The following DOCK3 variants were observed in gnomAD, a reference collection of about 807,000 sequenced individuals.
The protein encoded by DOCK3 is dedicator of cytokinesis 3.
DOCK3 carries 60 observed loss-of-function variants against 265.6 expected under a neutral mutation model. That is an observed-to-expected ratio of 0.23 (90% CI 0.18 to 0.28). The LOEUF is 0.28. DOCK3 is among the 10% of genes least tolerant of loss of function. DOCK3 has a pLI of 1.00. For missense variants in DOCK3, 1,981 were observed against 2,594.3 expected (o/e 0.76, Z 5.14); for synonymous variants, 881 against 938.0 (o/e 0.94, Z 1.11).
chr3:51,069,163 A>G (rs1196586212), intron 6 of DOCK3, among the ~76,000 whole-genome samples: 2 of 152,158 alleles, frequency 1.3e-5, no homozygotes, highest in East Asian at 1.9e-4. Flanking sequence ...TAGAAACCGC[A>G]CTTTCTACAT....
intron 1 of DOCK3, among the ~76,000 whole-genome samples, chr3:50,768,902 A>G (rs1469746737): frequency 6.6e-6 from 1 of 152,118 alleles, no homozygotes; most frequent in Non-Finnish European, 1.5e-5. Context: ...TTCTCTTCAC[A>G]TTCTCAGGAA....
chr3:50,827,734 A>G (rs1405437360), intron 2 of DOCK3, among the ~76,000 whole-genome samples: 1 of 152,148 alleles, frequency 6.6e-6, no homozygotes, highest in Non-Finnish European at 1.5e-5. Flanking sequence ...AATCTGGATT[A>G]TTTAGTCCAT....
chr3:50,980,699 G>A (rs2077658500), intron 5 of DOCK3, among the ~76,000 whole-genome samples: 1 of 152,034 alleles, frequency 6.6e-6, no homozygotes, highest in Admixed American at 6.5e-5. Context: ...GGTTGTATAT[G>A]TCTAGGAATT....
intron 1 of DOCK3, among the ~76,000 whole-genome samples, chr3:50,723,243 G>T (rs1040832847): frequency 2.0e-5 from 3 of 152,170 alleles, no homozygotes; most frequent in Non-Finnish European, 4.4e-5. Context: ...ATACCAAACC[G>T]TAAAAAGAAA....
chr3:51,153,808 T>C (rs943000802), intron 10 of DOCK3, among the ~76,000 whole-genome samples: 4 of 152,262 alleles, frequency 2.6e-5, no homozygotes, highest in Non-Finnish European at 4.4e-5. Context: ...AAGTTTATTC[T>C]GATTTACTAA....
chr3:50,859,954 C>T (rs1431840943), intron 3 of DOCK3, among the ~76,000 whole-genome samples: 4 of 152,054 alleles, frequency 2.6e-5, no homozygotes, highest in African/African-American at 7.2e-5. Flanking sequence ...AGCTCTGTGC[C>T]GAGTGTTTAT....
At chr3:51,002,279 AGT>A (rs2078512634) in intron 5 of DOCK3, among the ~76,000 whole-genome samples, 1 of 152,116 alleles carries the variant, frequency 6.6e-6, no homozygotes, top group Admixed American at 6.5e-5. Flanking sequence ...TCTCTAGTGA[AGT>A]GTCTCGTTTT....
At chr3:51,232,606 T>C (rs2078174447) in intron 19 of DOCK3, among the ~76,000 whole-genome samples, 1 of 152,218 alleles carries the variant, frequency 6.6e-6, no homozygotes, top group Admixed American at 6.5e-5. Flanking sequence ...TGGTTTTAGT[T>C]TGTGTTTCCC....
At chr3:50,796,165 C>T (rs532218798) in intron 2 of DOCK3, among the ~76,000 whole-genome samples, 5 of 151,846 alleles carry the variant, frequency 3.3e-5, no homozygotes, top group Middle Eastern at 3.4e-3. Flanking sequence ...CTCAGCCTCC[C>T]GAGTAGCTGG....
intron 27 of DOCK3, among the ~76,000 whole-genome samples, chr3:51,305,417 C>A (rs2082599969): frequency 6.6e-6 from 1 of 152,052 alleles, no homozygotes; most frequent in Non-Finnish European, 1.5e-5. Flanking sequence ...ATATATTTTT[C>A]CATTCTTTTA....
intron 12 of DOCK3, among the ~76,000 whole-genome samples, chr3:51,201,690 A>G (rs1384183619): frequency 1.3e-5 from 2 of 152,050 alleles, no homozygotes; most frequent in African/African-American, 4.8e-5. Flanking sequence ...CATCTACAGA[A>G]CTCTCCACCC....
At chr3:50,832,877 G>A (rs965709481) in intron 2 of DOCK3, among the ~76,000 whole-genome samples, 6 of 152,072 alleles carry the variant, frequency 3.9e-5, no homozygotes, top group African/African-American at 1.2e-4. Context: ...GTCGAGGGCC[G>A]TTCATAGCTC....
At chr3:50,860,831 C>G (rs907248002) in intron 3 of DOCK3, among the ~76,000 whole-genome samples, 6 of 152,344 alleles carry the variant, frequency 3.9e-5, no homozygotes, top group Admixed American at 3.9e-4. Flanking sequence ...TTCTGAGGTG[C>G]CATGGAAGTG....
intron 5 of DOCK3, among the ~76,000 whole-genome samples, chr3:51,040,718 A>G (rs2080447866): frequency 6.6e-6 from 1 of 152,198 alleles, no homozygotes. Flanking sequence ...TACTTTATCA[A>G]TAAAGTTTAT....
intron 12 of DOCK3, among the ~76,000 whole-genome samples, chr3:51,175,859 C>T (rs2086914613): frequency 6.6e-6 from 1 of 152,214 alleles, no homozygotes; most frequent in Non-Finnish European, 1.5e-5. Flanking sequence ...ATTTCTCTCT[C>T]CTTGTCTAGA....
intron 1 of DOCK3, among the ~76,000 whole-genome samples, chr3:50,685,307 T>C (rs2034708581): frequency 6.6e-6 from 1 of 152,218 alleles, no homozygotes; most frequent in Non-Finnish European, 1.5e-5. Context: ...TAATAGGGCA[T>C]TATTTCCTCC....
intron 3 of DOCK3, among the ~76,000 whole-genome samples, chr3:50,856,614 C>G (rs939619412): frequency 6.6e-6 from 1 of 152,020 alleles, no homozygotes; most frequent in Non-Finnish European, 1.5e-5. Flanking sequence ...GGATAGATTA[C>G]AAAAATTCTG....
At chr3:51,157,958 T>A (rs1576273450) in intron 10 of DOCK3, among the ~76,000 whole-genome samples, 1 of 140,974 alleles carries the variant, frequency 7.1e-6, no homozygotes, top group South Asian at 2.3e-4. Flanking sequence ...TTTTTTTTTT[T>A]AATTGAAGAG....
At chr3:50,970,667 A>G (rs1290417038) in intron 5 of DOCK3, among the ~76,000 whole-genome samples, 1 of 147,228 alleles carries the variant, frequency 6.8e-6, no homozygotes, top group Non-Finnish European at 1.5e-5. Context: ...TTTATGTCCT[A>G]AATATTTTTT....
Sources: gnomAD v4.1 joint callset for allele counts (sites outside exome capture counted in the v4.1 genomes callset) on GRCh38, gnomAD v4.1.1 for gene constraint, MANE v1.5 for transcripts, NCBI Gene and HGNC (gene_info 2026-07-23, HGNC 2026-07-21) for gene names.